LRMDA: variants seen among roughly 807,000 people sequenced by gnomAD.
LRMDA encodes leucine-rich melanocyte differentiation-associated protein.
LRMDA carries 18 observed loss-of-function variants against 29.8 expected under a neutral mutation model. The observed-to-expected ratio is 0.60, with a 90% CI of 0.42 to 0.90. LRMDA has a LOEUF of 0.90. LRMDA is among the 40% of genes least tolerant of loss of function. LRMDA has a pLI of 0.00. For missense variants in LRMDA, 273 were observed against 273.9 expected, an observed-to-expected ratio of 1.00 and a Z score of 0.02; for synonymous variants, 125 against 109.4, an observed-to-expected ratio of 1.14 and a Z score of -0.89.
At chr10:75,898,909 T>C (rs1845627364) in intron 2 of LRMDA, among the ~76,000 whole-genome samples, 1 of 152,178 alleles carries the variant, frequency 6.6e-6, no homozygotes, top group Admixed American at 6.5e-5. Context: ...GACTATAATA[T>C]AGGTGACCAG....
chr10:75,813,800 C>G (rs553545884), intron 2 of LRMDA, among the ~76,000 whole-genome samples: 3 of 152,322 alleles, frequency 2.0e-5, no homozygotes, highest in African/African-American at 7.2e-5. Flanking sequence ...ATTCTTGCTA[C>G]CTTTCACTGA....
At chr10:76,274,099 T>C (rs1332969699) in intron 5 of LRMDA, among the ~76,000 whole-genome samples, 2 of 152,180 alleles carry the variant, frequency 1.3e-5, no homozygotes, top group East Asian at 1.9e-4. Context: ...CTTAATAGTA[T>C]CTGAGTCATT....
intron 2 of LRMDA, among the ~76,000 whole-genome samples, chr10:75,922,565 T>C (rs1270212599): frequency 6.6e-6 from 1 of 152,224 alleles, no homozygotes. Context: ...CCTTACCTTA[T>C]GCTTACCCTT....
At chr10:76,454,034 A>G (rs535790818) in intron 6 of LRMDA, among the ~76,000 whole-genome samples, 2 of 152,298 alleles carry the variant, frequency 1.3e-5, no homozygotes, top group African/African-American at 4.8e-5. Flanking sequence ...ACTGAGAATC[A>G]CATCTTCTCA....
chr10:76,259,959 A>G (rs1042328735), intron 5 of LRMDA, among the ~76,000 whole-genome samples: 2 of 151,804 alleles, frequency 1.3e-5, no homozygotes, highest in Admixed American at 1.3e-4. Context: ...GTTCAAGTCT[A>G]CATATGTCTT....
chr10:76,033,812 C>T (rs377559269), intron 2 of LRMDA, among the ~76,000 whole-genome samples: 73 of 152,222 alleles, frequency 4.8e-4, no homozygotes, highest in African/African-American at 1.7e-3. Context: ...CACTCCCTAA[C>T]CCCTAGTGGA....
At chr10:76,061,326 CA>C in intron 5 of LRMDA, among the ~76,000 whole-genome samples, 1 of 152,220 alleles carries the variant, frequency 6.6e-6, no homozygotes, top group South Asian at 2.1e-4. Context: ...GATGAGAACT[CA>C]TGAACACAAA....
chr10:76,348,167 C>A (rs1344169486), intron 6 of LRMDA, among the ~76,000 whole-genome samples: 1 of 152,010 alleles, frequency 6.6e-6, no homozygotes, highest in Non-Finnish European at 1.5e-5. Context: ...AAAATGTAGC[C>A]CCGAGGAAAG....
intron 2 of LRMDA, chr10:75,552,571 C>A: frequency 2.1e-6 from 1 of 480,878 alleles, no homozygotes; most frequent in East Asian, 6.3e-5. Flanking sequence ...CCCTCATCCC[C>A]TACTTGGGAT....
chr10:76,428,390 A>T (rs944115144), intron 6 of LRMDA, among the ~76,000 whole-genome samples: 3 of 151,996 alleles, frequency 2.0e-5, no homozygotes, highest in Non-Finnish European at 2.9e-5. Flanking sequence ...CCATCTGTGG[A>T]GATTGACATG....
intron 2 of LRMDA, among the ~76,000 whole-genome samples, chr10:75,729,914 C>T (rs1481257636): frequency 6.6e-6 from 1 of 152,180 alleles, no homozygotes; most frequent in African/African-American, 2.4e-5. Context: ...CCTCTCACCT[C>T]AGCCTCCCAA....
intron 5 of LRMDA, among the ~76,000 whole-genome samples, chr10:76,117,403 C>A (rs1408825308): frequency 6.6e-6 from 1 of 152,176 alleles, no homozygotes; most frequent in Non-Finnish European, 1.5e-5. Context: ...GGGAGATCTA[C>A]CTCACATGAG....
At chr10:76,036,996 G>T (rs1014098490) in intron 3 of LRMDA, among the ~76,000 whole-genome samples, 1 of 152,122 alleles carries the variant, frequency 6.6e-6, no homozygotes, top group Non-Finnish European at 1.5e-5. Flanking sequence ...AGGGATGAAT[G>T]CATCATTATC....
chr10:75,795,841 A>T (rs7914039), intron 2 of LRMDA, among the ~76,000 whole-genome samples: 6,707 of 152,170 alleles, frequency 0.044, 395 homozygotes, highest in African/African-American at 0.13. Context: ...TGGAATGTTG[A>T]TATCTTAAGT....
At chr10:76,489,807 C>T (rs1336278188) in intron 6 of LRMDA, among the ~76,000 whole-genome samples, 1 of 151,338 alleles carries the variant, frequency 6.6e-6, no homozygotes, top group Non-Finnish European at 1.5e-5. Flanking sequence ...CTCATGTAAA[C>T]AAACACTATC....
intron 2 of LRMDA, among the ~76,000 whole-genome samples, chr10:75,791,115 C>T (rs772530122): frequency 5.6e-4 from 85 of 152,210 alleles, no homozygotes; most frequent in Admixed American, 9.2e-4. Flanking sequence ...GAGGCACTGG[C>T]CCTTAGAGGA....
intron 2 of LRMDA, among the ~76,000 whole-genome samples, chr10:75,577,648 G>C (rs926893431): frequency 1.3e-5 from 2 of 152,156 alleles, no homozygotes; most frequent in Non-Finnish European, 2.9e-5. Context: ...GAAAGGTCGG[G>C]TTACCCACAA....
intron 2 of LRMDA, among the ~76,000 whole-genome samples, chr10:75,613,222 G>A (rs1186448175): frequency 2.6e-5 from 4 of 151,914 alleles, no homozygotes; most frequent in Non-Finnish European, 5.9e-5. Flanking sequence ...TTCCTCCTGA[G>A]TTTGGTCATT....
chr10:75,759,580 T>A (rs1843071122), intron 2 of LRMDA, among the ~76,000 whole-genome samples: 1 of 152,214 alleles, frequency 6.6e-6, no homozygotes. Context: ...AAGAAGCCCA[T>A]TTATCCAAGG....
Sources: gnomAD v4.1 joint callset for allele counts (sites outside exome capture counted in the v4.1 genomes callset) on GRCh38, gnomAD v4.1.1 for gene constraint, MANE v1.5 for transcripts, NCBI Gene and HGNC (gene_info 2026-07-23, HGNC 2026-07-21) for gene names.